Variants in ARFGAP3 observed in about 807,000 individuals in gnomAD.
ARFGAP3 encodes ARF GTPase activating protein 3, also known as ADP-ribosylation factor GTPase-activating protein 3.
A neutral mutation model predicts 75.0 loss-of-function variants in ARFGAP3; 72 were observed. That is an observed-to-expected ratio of 0.96 (90% CI 0.79 to 1.17). The LOEUF is 1.17. Among genes scored for constraint, ARFGAP3 ranks in the 50% most tolerant of loss-of-function variants. The pLI, the probability that ARFGAP3 is intolerant of heterozygous loss-of-function variation, is 0.00. For synonymous variants in ARFGAP3, 221 were observed against 217.9 expected (o/e 1.01, Z -0.13); for missense variants, 620 against 626.6 (o/e 0.99, Z 0.11).
At chr22:42,830,674 CTGATA>C (rs1431570512) in intron 6 of ARFGAP3, among the ~76,000 whole-genome samples, 3 of 152,216 alleles carry the variant, frequency 2.0e-5, no homozygotes, top group African/African-American at 4.8e-5. Flanking sequence ...ATGTAAGCAA[CTGATA>C]TATTTACAAT....
At chr22:42,822,221 A>C (rs143761402) in intron 9 of ARFGAP3, 49 bp downstream of exon 9, 1 of 1,459,376 alleles carries the variant, frequency 6.9e-7, no homozygotes, top group Non-Finnish European at 9.4e-7. Flanking sequence ...ATCTTGAGTT[A>C]ATAGTTTTAT....
At chr22:42,854,569 G>A (rs1927417858) in intron 1 of ARFGAP3, among the ~76,000 whole-genome samples, 1 of 152,060 alleles carries the variant, frequency 6.6e-6, no homozygotes, top group Non-Finnish European at 1.5e-5. Flanking sequence ...AGGTCGCAGT[G>A]TGCCAAGATC....
At chr22:42,851,994 C>T (rs5758985) in intron 1 of ARFGAP3, among the ~76,000 whole-genome samples, 58,059 of 151,938 alleles carry the variant, frequency 0.38, 11,787 homozygotes, top group Non-Finnish European at 0.45. Flanking sequence ...GTGATCTATG[C>T]AGTCGCAGAG....
intron 1 of ARFGAP3, among the ~76,000 whole-genome samples, chr22:42,849,363 T>G (rs1259215941): frequency 6.6e-6 from 1 of 152,244 alleles, no homozygotes; most frequent in Non-Finnish European, 1.5e-5. Context: ...CAGGTCACTT[T>G]GATAACTCTT....
At chr22:42,832,175 A>C (rs557987191) in intron 5 of ARFGAP3, among the ~76,000 whole-genome samples, 8 of 144,048 alleles carry the variant, frequency 5.6e-5, no homozygotes, top group East Asian at 3.9e-4. Context: ...AAAAAAAAAA[A>C]AAACCCAAAA....
intron 14 of ARFGAP3, among the ~76,000 whole-genome samples, chr22:42,800,701 A>C (rs567655452): frequency 1.5e-4 from 23 of 152,296 alleles, no homozygotes; most frequent in African/African-American, 5.1e-4. Flanking sequence ...TGACTGTCTA[A>C]AATCTTGTAG....
At chr22:42,816,276 G>T (rs1001306322) in intron 11 of ARFGAP3, among the ~76,000 whole-genome samples, 1 of 152,194 alleles carries the variant, frequency 6.6e-6, no homozygotes, top group Non-Finnish European at 1.5e-5. Flanking sequence ...ACCCTATTGG[G>T]TAGGTATTAC....
At chr22:42,799,914 CTT>C (rs1924780200) in intron 14 of ARFGAP3, among the ~76,000 whole-genome samples, 1 of 152,198 alleles carries the variant, frequency 6.6e-6, no homozygotes, top group Non-Finnish European at 1.5e-5. Flanking sequence ...CTTCCACCCT[CTT>C]TGCTAGGGCC....
At chr22:42,801,280 GGAA>G (rs1924848084) in intron 14 of ARFGAP3, among the ~76,000 whole-genome samples, 1 of 152,186 alleles carries the variant, frequency 6.6e-6, no homozygotes. Flanking sequence ...TGGGCAGCCA[GGAA>G]GAAGACAGCT....
intron 3 of ARFGAP3, among the ~76,000 whole-genome samples, chr22:42,837,702 C>T (rs1335797641): frequency 6.3e-5 from 2 of 31,522 alleles, no homozygotes; most frequent in Non-Finnish European, 9.5e-5. Flanking sequence ...TTTTTTGAGA[C>T]GGTCTTGCTT....
At chr22:42,834,198 T>C (rs772795580) in intron 5 of ARFGAP3, 44 bp downstream of exon 5, 2 of 1,562,336 alleles carry the variant, frequency 1.3e-6, no homozygotes, top group Admixed American at 1.8e-5. Flanking sequence ...TTGTTAACTG[T>C]CAGAGTAAGC....
chr22:42,844,891 T>C (rs1192295250), intron 2 of ARFGAP3, among the ~76,000 whole-genome samples: 1 of 152,196 alleles, frequency 6.6e-6, no homozygotes, highest in South Asian at 2.1e-4. Flanking sequence ...TTGTGACTCA[T>C]ACAGTTCTAT....
Position 42,799,120 on chromosome 22 carries a change from G to A in ARFGAP3, c.1452C>T (p.Asp484=). The A allele has an allele frequency of 6.2e-7, 1 of 1,614,208 alleles. No individual in the cohort carries two copies. The change falls in exon 15 of 16, where the codon GAC becomes GAT. Residue 484 remains aspartate (D), a synonymous_variant. Coordinates refer to ENST00000263245, the MANE Select transcript of ARFGAP3 (RefSeq NM_014570.5). Reference sequence around the variant, plus strand: ...TCACTCCCTGCTTGAACTGCGCCATGTCGGGGGCGTTGGGCAGCACACTGG... The same window carrying A: ...TCACTCCCTGCTTGAACTGCGCCATATCGGGGGCGTTGGGCAGCACACTGG... ...SLSSVLPNAP[D]MAQFKQGVRS...
intron 9 of ARFGAP3, among the ~76,000 whole-genome samples, chr22:42,819,424 G>A (rs1339489722): frequency 6.6e-6 from 1 of 152,164 alleles, no homozygotes; most frequent in African/African-American, 2.4e-5. Flanking sequence ...AATCTGACAT[G>A]GACTGGGTCA....
chr22:42,819,171 TCAAG>T (rs1305932252), intron 9 of ARFGAP3, among the ~76,000 whole-genome samples: 11 of 152,106 alleles, frequency 7.2e-5, no homozygotes, highest in Non-Finnish European at 1.3e-4. Context: ...CTTTAATGAG[TCAAG>T]CAAGATTTCT....
chr22:42,813,892 T>C (rs1201219900), intron 11 of ARFGAP3, among the ~76,000 whole-genome samples: 1 of 152,232 alleles, frequency 6.6e-6, no homozygotes, highest in African/African-American at 2.4e-5. Flanking sequence ...AATGTTTTGA[T>C]TGTATAGCTC....
chr22:42,822,492 C>T, intron 8 of ARFGAP3, 83 bp from the exon 9 acceptor site: 1 of 1,513,086 alleles, frequency 6.6e-7, no homozygotes, highest in South Asian at 1.3e-5. Flanking sequence ...AGGGTTAGGA[C>T]CTGCCAGGCA....
intron 1 of ARFGAP3, 65 bp downstream of exon 1, chr22:42,857,049 C>A: frequency 6.9e-6 from 10 of 1,450,128 alleles, no homozygotes; most frequent in Non-Finnish European, 9.1e-6. Context: ...CACTGGCGCC[C>A]GCGGGGCCTC....
At chr22:42,814,296 G>T (rs17003352) in intron 11 of ARFGAP3, among the ~76,000 whole-genome samples, 1 of 152,214 alleles carries the variant, frequency 6.6e-6, no homozygotes, top group Non-Finnish European at 1.5e-5. Flanking sequence ...TGCTTTCAGA[G>T]TCCATGTTTA....
Sources: allele counts gnomAD v4.1 joint callset (sites outside exome capture counted in the v4.1 genomes callset), GRCh38; gene constraint gnomAD v4.1.1; transcripts MANE v1.5; gene names NCBI Gene and HGNC (gene_info 2026-07-23, HGNC 2026-07-21).